Variants in CHMP3 observed in about 807,000 individuals in gnomAD.
CHMP3 encodes the protein charged multivesicular body protein 3, also known as 25.1 protein.
CHMP3 carries 8 observed loss-of-function variants against 27.4 expected under a neutral mutation model. That is an observed-to-expected ratio of 0.29 (90% CI 0.17 to 0.53). The LOEUF (loss-of-function observed/expected upper bound fraction) is 0.53, where lower values mean the gene tolerates loss of function less well. Among genes scored for constraint, CHMP3 ranks in the 20% least tolerant of loss-of-function variants. The pLI, the probability that CHMP3 is intolerant of heterozygous loss-of-function variation, is 0.96. For missense variants in CHMP3, 208 were observed against 271.5 expected (o/e 0.77, Z 1.64); for synonymous variants, 86 against 85.5 (o/e 1.01, Z -0.03).
intron 1 of CHMP3, among the ~76,000 whole-genome samples, chr2:86,549,750 G>A (rs1335107145): frequency 1.3e-5 from 2 of 149,792 alleles, no homozygotes; most frequent in African/African-American, 4.9e-5. Context: ...CGCAGACGGG[G>A]CGGCCAGGCA....
At chr2:86,545,629 G>C (rs1676555469) in intron 1 of CHMP3, among the ~76,000 whole-genome samples, 1 of 149,022 alleles carries the variant, frequency 6.7e-6, no homozygotes, top group Admixed American at 6.7e-5. Context: ...GGGGTGGCCG[G>C]GCAGAGGCGC....
At chr2:86,521,429 TACATA>T (rs1409553246) in intron 3 of CHMP3, among the ~76,000 whole-genome samples, 1 of 152,206 alleles carries the variant, frequency 6.6e-6, no homozygotes, top group Non-Finnish European at 1.5e-5. Flanking sequence ...CCCAAAATTA[TACATA>T]ACATAAAATT....
intron 3 of CHMP3, among the ~76,000 whole-genome samples, chr2:86,526,693 T>C (rs1014058383): frequency 1.2e-4 from 18 of 151,962 alleles, no homozygotes; most frequent in South Asian, 1.0e-3. Context: ...TATATATATA[T>C]ACACATACAC....
chr2:86,526,553 G>A (rs1675715905), intron 3 of CHMP3, among the ~76,000 whole-genome samples: 1 of 151,774 alleles, frequency 6.6e-6, no homozygotes, highest in Non-Finnish European at 1.5e-5. Flanking sequence ...TTTACACACA[G>A]CAAAAACTGA....
At chr2:86,527,866 C>T (rs111596404) in intron 3 of CHMP3, among the ~76,000 whole-genome samples, 44 of 146,416 alleles carry the variant, frequency 3.0e-4, no homozygotes, top group East Asian at 9.6e-4. Flanking sequence ...GAGGGTGAGG[C>T]GGGCGAATCG....
Position 86,529,412 on chromosome 2 carries a change from G to T in CHMP3, c.107-15C>A. The T allele has an allele frequency of 1.3e-6, 2 of 1,562,564 alleles. No individual in the cohort carries two copies. The highest frequency in any genetic ancestry group is 1.2e-5 in the South Asian group (1 of 82,700). On this transcript the variant is annotated splice_polypyrimidine_tract_variant and intron_variant, in intron 2 of 5. Coordinates refer to ENST00000263856, the MANE Select transcript of CHMP3 (RefSeq NM_016079.4). ...TCTTTGGATATCTAAATTTAGAACA[G>T]AACACCAAAAATCAAGGGTAAGTCA...
At chr2:86,517,119 T>TA (rs1293852096) in intron 3 of CHMP3, among the ~76,000 whole-genome samples, 1 of 151,840 alleles carries the variant, frequency 6.6e-6, no homozygotes, top group African/African-American at 2.4e-5. Flanking sequence ...AGCCTTAATT[T>TA]AAAAAAAATT....
chr2:86,510,277 C>CCCCCAAAA, intron 4 of CHMP3, 81 bp downstream of exon 4: 10 of 1,118,938 alleles, frequency 8.9e-6, no homozygotes, highest in South Asian at 2.5e-5. Context: ...CATCCCCACC[C>CCCCCAAAA]ACCCTCATCC....
intron 3 of CHMP3, among the ~76,000 whole-genome samples, chr2:86,528,661 A>ACACTGAAAGGACAC (rs1172523877): frequency 1.3e-5 from 2 of 152,244 alleles, no homozygotes; most frequent in Non-Finnish European, 2.9e-5. Context: ...ACTGTACTGG[A>ACACTGAAAGGACAC]CACTGAAAGG....
At chr2:86,535,722 TCTC>T (rs1676102537) in intron 2 of CHMP3, among the ~76,000 whole-genome samples, 1 of 152,200 alleles carries the variant, frequency 6.6e-6, no homozygotes, top group African/African-American at 2.4e-5. Flanking sequence ...GTCAGTCTGG[TCTC>T]GAACTCCTGG....
rs553906257 is a variant in CHMP3, at chr2:86,513,699, C to T, written c.287-3220G>A. On this transcript the variant is annotated intron_variant, in intron 3 of 5. Transcript: ENST00000263856. ...ACTAAAAAATAAAAACAACTATACC[C>T]TGAAGGTGAAATCAAGAGTAATAGA... Among the ~76,000 whole-genome samples, 14 of 152,266 alleles carry T rather than the reference C, an allele frequency of 9.2e-5. 1 individual carries two copies. The South Asian group carries it at 2.9e-3, about 32-fold the overall frequency.
chr2:86,546,072 C>T (rs761148968), intron 1 of CHMP3, among the ~76,000 whole-genome samples: 7 of 152,158 alleles, frequency 4.6e-5, no homozygotes, highest in African/African-American at 1.7e-4. Flanking sequence ...GCCTGGGCAA[C>T]GTTGAGCATT....
intron 3 of CHMP3, among the ~76,000 whole-genome samples, chr2:86,521,258 C>T (rs1316700145): frequency 6.6e-6 from 1 of 152,140 alleles, no homozygotes; most frequent in Non-Finnish European, 1.5e-5. Flanking sequence ...TCATACAAAG[C>T]CTGTTTGGTG....
At chr2:86,517,093 A>G (rs943365962) in intron 3 of CHMP3, among the ~76,000 whole-genome samples, 1 of 152,172 alleles carries the variant, frequency 6.6e-6, no homozygotes, top group Non-Finnish European at 1.5e-5. Context: ...TGAGTCTACT[A>G]TTTTCTAAAA....
At chr2:86,516,569 C>G (rs1243378642) in intron 3 of CHMP3, among the ~76,000 whole-genome samples, 1 of 152,156 alleles carries the variant, frequency 6.6e-6, no homozygotes, top group Admixed American at 6.5e-5. Flanking sequence ...GAATTTAAAC[C>G]TGTACACTTT....
chr2:86,505,669 T>G lies in CHMP3; in HGVS notation c.*135A>C. The G allele has an allele frequency of 8.0e-7, 1 of 1,242,562 alleles. No individual in the cohort carries two copies. The highest frequency in any genetic ancestry group is 1.0e-6 in the Non-Finnish European group (1 of 961,746). 77.0% of individuals were successfully genotyped at this position (1,242,562 alleles called of 1,614,324 possible). A position where few individuals can be genotyped will look rare whatever the true frequency, so the allele number is the denominator to read the frequency against. On this transcript the variant is annotated 3_prime_UTR_variant, in exon 6 of 6. Coordinates refer to ENST00000263856, the MANE Select transcript of CHMP3 (RefSeq NM_016079.4). ...ACAATCCCTTTGCGATCCCAAAACCTGGGCAGAGAATGAAAAGAGACAAAC... is the reference window on the plus strand; with the variant it reads ...ACAATCCCTTTGCGATCCCAAAACCGGGGCAGAGAATGAAAAGAGACAAAC...
At chr2:86,516,337 A>G (rs1216457752) in intron 3 of CHMP3, among the ~76,000 whole-genome samples, 1 of 152,186 alleles carries the variant, frequency 6.6e-6, no homozygotes, top group East Asian at 1.9e-4. Flanking sequence ...ATTTCATCAA[A>G]GAGAATTTTG....
chr2:86,515,569 C>T (rs1327675863), intron 3 of CHMP3, among the ~76,000 whole-genome samples: 1 of 152,066 alleles, frequency 6.6e-6, no homozygotes, highest in African/African-American at 2.4e-5. Flanking sequence ...GATCCACCCG[C>T]CTCAGCCTCC....
In CHMP3 at chr2:86,529,314, C is replaced by T. The variant is rs1479872895; in HGVS notation, c.190G>A (p.Ala64Thr). 1 of 1,613,570 alleles carries T rather than the reference C, an allele frequency of 6.2e-7. No individual in the cohort carries two copies. Among genetic ancestry groups the T allele is most frequent in the Non-Finnish European group, 8.5e-7 (1 of 1,179,858 alleles). ...KGQKDVCIVL[A>T]KEMIRSRKAV... is the part of the protein sequence containing the mutation. ...TTCCTTGACCTGATCATCTCCTTGGCCAGAACTATGCAGACATCCTTCTGG... is the reference window on the plus strand; with the variant it reads ...TTCCTTGACCTGATCATCTCCTTGGTCAGAACTATGCAGACATCCTTCTGG... The change falls in exon 3 of 6, where the codon GCC becomes ACC. Residue 64 changes from alanine (A) to threonine (T), a missense_variant. By Grantham distance (58) the Ala-to-Thr change is moderately conservative. This residue lies in a region of CHMP3 where 94 missense variants were observed against 159.6 expected (regional missense o/e 0.59). Transcript: ENST00000263856.
Sources: gnomAD v4.1 joint callset for allele counts (sites outside exome capture counted in the v4.1 genomes callset) on GRCh38, gnomAD v4.1.1 for gene constraint, gnomAD v4.1.1 regional missense constraint, MANE v1.5 for transcripts, NCBI Gene and HGNC (gene_info 2026-07-23, HGNC 2026-07-21) for gene names.